UIMC1: variants seen among roughly 807,000 people sequenced by gnomAD.
UIMC1 encodes ubiquitin interaction motif containing 1, also known as BRCA1-A complex subunit RAP80.
In UIMC1, 42 loss-of-function variants were observed where a neutral mutation model predicts 84.9. The observed-to-expected ratio is 0.49, with a 90% CI of 0.39 to 0.64. The LOEUF (loss-of-function observed/expected upper bound fraction) is 0.64. UIMC1 is among the 30% of genes least tolerant of loss of function. The pLI, the probability that UIMC1 is intolerant of heterozygous loss-of-function variation, is 0.00. For missense variants in UIMC1, 825 were observed against 847.6 expected (o/e 0.97, Z 0.33); for synonymous variants, 281 against 293.0 (o/e 0.96, Z 0.42).
intron 1 of UIMC1, among the ~76,000 whole-genome samples, chr5:177,013,203 A>G (rs1402306227): frequency 1.3e-5 from 2 of 152,144 alleles, no homozygotes; most frequent in South Asian, 4.2e-4. Flanking sequence ...TCTACTAAAA[A>G]TACATAAATT....
intron 11 of UIMC1, among the ~76,000 whole-genome samples, chr5:176,910,021 A>G (rs1759915339): frequency 6.6e-6 from 1 of 152,236 alleles, no homozygotes; most frequent in Admixed American, 6.5e-5. Flanking sequence ...CTAAACAAAC[A>G]GCTATTATTG....
At chr5:176,905,522 A>G (rs757233572) in intron 14 of UIMC1, 30 bp from the exon 15 acceptor site, 24 of 1,600,258 alleles carry the variant, frequency 1.5e-5, no homozygotes, top group South Asian at 2.2e-5. Context: ...TTCAGATTCA[A>G]TATACACCTA....
chr5:176,967,863 G>A (rs868410476), intron 6 of UIMC1, among the ~76,000 whole-genome samples: 22 of 150,510 alleles, frequency 1.5e-4, no homozygotes, highest in African/African-American at 4.2e-4. Flanking sequence ...AGATGGCATC[G>A]GTGCACTCTA....
At chr5:176,956,789 A>G (rs573447608) in intron 7 of UIMC1, among the ~76,000 whole-genome samples, 7 of 152,036 alleles carry the variant, frequency 4.6e-5, no homozygotes, top group African/African-American at 1.7e-4. Context: ...ACATCAACCA[A>G]GAACCACAGA....
intron 6 of UIMC1, among the ~76,000 whole-genome samples, chr5:176,959,585 A>G (rs572770260): frequency 0.01 from 1,589 of 151,474 alleles, 11 homozygotes; most frequent in South Asian, 0.024. Flanking sequence ...GCGTAGTGGC[A>G]GGCGCCTGTA....
intron 8 of UIMC1, among the ~76,000 whole-genome samples, chr5:176,951,953 GTTTAC>G (rs1765936151): frequency 6.6e-6 from 1 of 152,140 alleles, no homozygotes; most frequent in African/African-American, 2.4e-5. Context: ...ATAATGACCA[GTTTAC>G]TTTATGTTCC....
chr5:176,937,215 G>A (rs758521014), intron 10 of UIMC1, among the ~76,000 whole-genome samples: 18 of 152,086 alleles, frequency 1.2e-4, no homozygotes, highest in Admixed American at 7.9e-4. Context: ...GCATTCCCTC[G>A]GCCAGGTGCG....
intron 2 of UIMC1, chr5:176,979,990 A>G (rs906071447): frequency 1.3e-5 from 2 of 152,172 alleles, no homozygotes; most frequent in Middle Eastern, 3.2e-3. Flanking sequence ...GGCTAAATAG[A>G]ATAAAAACAT....
chr5:177,009,068 G>A (rs1274157812), upstream of UIMC1, among the ~76,000 whole-genome samples: 2 of 151,536 alleles, frequency 1.3e-5, no homozygotes, highest in African/African-American at 2.4e-5. This position sits in a 1 kb window ranked among gnomAD's most constrained non-coding sequence, Gnocchi z 4.3. Flanking sequence ...GTGCAGTGGT[G>A]TCATCAGGGC....
intron 10 of UIMC1, among the ~76,000 whole-genome samples, chr5:176,930,324 C>T (rs1416395429): frequency 6.6e-6 from 1 of 152,076 alleles, no homozygotes; most frequent in Non-Finnish European, 1.5e-5. Flanking sequence ...ATTTAGTATC[C>T]TGAAACATAC....
At chr5:176,942,332 G>C (rs577039432) in intron 10 of UIMC1, among the ~76,000 whole-genome samples, 34 of 152,306 alleles carry the variant, frequency 2.2e-4, no homozygotes, top group Non-Finnish European at 2.9e-4. Context: ...GTGGAACTTA[G>C]TTCAAGTTCC....
rs771838197 is a variant in UIMC1, at chr5:176,968,783, C to A, written c.972G>T (p.Val324=). 4.3e-6 allele frequency: 7 copies of A among 1,614,172 alleles called. No individual in the cohort carries two copies. Among genetic ancestry groups the A allele is most frequent in the Admixed American group, 3.3e-5 (2 of 60,014 alleles). The change falls in exon 6 of 15, where the codon GTG becomes GTT. Residue 324 remains valine, a synonymous_variant. Coordinates refer to ENST00000511320, the MANE Select transcript of UIMC1 (RefSeq NM_001199298.2). ...LLNKKGFGEP[V]LPRPPSLIQN... is the part of the protein sequence containing the mutation. The stretch of plus-strand genomic sequence containing the variant: ...GGATCAGAGAAGGAGGTCTAGGTAA[C>A]ACTGGTTCCCCAAAACCTTTTTTAT...
chr5:177,022,480 G>C (rs1775911385), exon 1 of UIMC1: 1 of 465,600 alleles, frequency 2.1e-6, no homozygotes, highest in East Asian at 3.7e-5. Context: ...CAAGGTGAGA[G>C]CCATGAGCCA....
At chr5:176,924,289 GC>G (rs776649118) in intron 10 of UIMC1, among the ~76,000 whole-genome samples, 3 of 151,706 alleles carry the variant, frequency 2.0e-5, no homozygotes, top group Non-Finnish European at 2.9e-5. Flanking sequence ...CTGCACTCCA[GC>G]CTGGGGGACA....
intron 10 of UIMC1, among the ~76,000 whole-genome samples, chr5:176,923,647 TGA>T (rs1054914213): frequency 8.6e-5 from 13 of 151,342 alleles, no homozygotes; most frequent in Non-Finnish European, 7.4e-5. Flanking sequence ...ACAGATCACT[TGA>T]GGTCAGCAGT....
intron 9 of UIMC1, among the ~76,000 whole-genome samples, chr5:176,948,227 T>A (rs993219109): frequency 6.6e-6 from 1 of 152,224 alleles, no homozygotes; most frequent in Non-Finnish European, 1.5e-5. Flanking sequence ...CAAAGAAAGT[T>A]GACTATTGTC....
intron 6 of UIMC1, among the ~76,000 whole-genome samples, chr5:176,964,462 T>C (rs1356393439): frequency 6.6e-6 from 1 of 152,172 alleles, no homozygotes; most frequent in African/African-American, 2.4e-5. Context: ...TTATGGCTCA[T>C]GACTAAGTAC....
chr5:176,908,511 C>T lies in UIMC1; in HGVS notation c.1848+12G>A. The T allele has an allele frequency of 2.5e-6, 4 of 1,611,300 alleles. No individual in the cohort carries two copies. The highest frequency in any genetic ancestry group is 3.4e-6 in the Non-Finnish European group (4 of 1,178,950). On this transcript the variant is annotated intron_variant, in intron 12 of 14. Transcript: ENST00000511320. Reference sequence around the variant, plus strand: ...GGGTTAGGTGGCCTTTCCCAAAACACTCTACACATACCTTTGGGTTCTTCA... The same window carrying T: ...GGGTTAGGTGGCCTTTCCCAAAACATTCTACACATACCTTTGGGTTCTTCA...
At chr5:176,908,130 T>C (rs1759640677) in intron 12 of UIMC1, among the ~76,000 whole-genome samples, 1 of 152,138 alleles carries the variant, frequency 6.6e-6, no homozygotes, top group Admixed American at 6.6e-5. Flanking sequence ...ACTAGATATA[T>C]AGTATGTTGT....
Sources: allele counts gnomAD v4.1 joint callset (sites outside exome capture counted in the v4.1 genomes callset), GRCh38; gene constraint gnomAD v4.1.1; non-coding constraint Gnocchi (gnomAD v3.1); transcripts MANE v1.5; gene names NCBI Gene and HGNC (gene_info 2026-07-23, HGNC 2026-07-21).